The following PCDHA8 variants were observed in gnomAD, a reference collection of about 807,000 sequenced individuals.
The protein encoded by PCDHA8 is protocadherin alpha-8.
A neutral mutation model predicts 61.8 loss-of-function variants in PCDHA8; 53 were observed. The observed-to-expected ratio is 0.86, with a 90% CI of 0.69 to 1.08. The LOEUF is 1.08. Ranked by LOEUF, PCDHA8 falls within the 50% of genes least tolerant of loss-of-function variation. The probability of loss-of-function intolerance (pLI) is 0.00; values close to 1 mark genes in which losing one functional copy is unlikely to be tolerated. For missense variants in PCDHA8, 1,293 were observed against 1,245.0 expected, an observed-to-expected ratio of 1.04 and a Z score of -0.58; for synonymous variants, 618 against 556.6, an observed-to-expected ratio of 1.11 and a Z score of -1.55.
chr5:140,955,639 C>T (rs2095212239), intron 1 of PCDHA8, among the ~76,000 whole-genome samples: 1 of 152,088 alleles, frequency 6.6e-6, no homozygotes, highest in African/African-American at 2.4e-5. Flanking sequence ...AGTGTGAGAA[C>T]AAATTAATAC....
intron 1 of PCDHA8, among the ~76,000 whole-genome samples, chr5:140,972,752 C>A (rs1332478312): frequency 1.3e-5 from 2 of 151,214 alleles, no homozygotes; most frequent in Non-Finnish European, 2.9e-5. Context: ...CAACCTCCGC[C>A]TCCCAAGTTA....
At chr5:140,909,502 G>A (rs1583705871) in intron 1 of PCDHA8, among the ~76,000 whole-genome samples, 2 of 152,180 alleles carry the variant, frequency 1.3e-5, no homozygotes. Flanking sequence ...CGGGGATGTG[G>A]TGGGAATCAC....
chr5:140,985,504 A>G (rs1368014181), intron 3 of PCDHA8, among the ~76,000 whole-genome samples: 2 of 152,170 alleles, frequency 1.3e-5, no homozygotes, highest in Non-Finnish European at 2.9e-5. Context: ...CCTGCCTTTC[A>G]TTGATTCTGT....
chr5:140,929,549 T>G, intron 1 of PCDHA8: 1 of 500,966 alleles, frequency 2.0e-6, no homozygotes, highest in Non-Finnish European at 3.3e-6. Context: ...GGGCAAAAAT[T>G]AAAACCTATT....
intron 1 of PCDHA8, chr5:140,870,784 G>T (rs374163229): frequency 3.1e-6 from 5 of 1,613,574 alleles, no homozygotes; most frequent in Non-Finnish European, 4.2e-6. Context: ...GAACGACAAC[G>T]CGCCGGCACT....
At chr5:140,883,398 G>A (rs1421475221) in intron 1 of PCDHA8, 1 of 1,614,166 alleles carries the variant, frequency 6.2e-7, no homozygotes, top group Non-Finnish European at 8.5e-7. Flanking sequence ...GTGTCCGATC[G>A]TGACTCTGGC....
At chr5:140,951,988 A>C (rs2094668820) in intron 1 of PCDHA8, among the ~76,000 whole-genome samples, 1 of 152,226 alleles carries the variant, frequency 6.6e-6, no homozygotes, top group African/African-American at 2.4e-5. Context: ...GGGAAAAACC[A>C]GCCAAAAGAA....
intron 1 of PCDHA8, among the ~76,000 whole-genome samples, chr5:140,904,820 A>C (rs2071403823): frequency 6.6e-6 from 1 of 152,014 alleles, no homozygotes; most frequent in African/African-American, 2.4e-5. Flanking sequence ...GATGTTGAGC[A>C]TTTTTTTATA....
At chr5:140,964,013 A>G (rs155811) in intron 1 of PCDHA8, among the ~76,000 whole-genome samples, 53,810 of 151,994 alleles carry the variant, frequency 0.35, 9,678 homozygotes, top group East Asian at 0.53. Context: ...TTTTTAATAG[A>G]GAGCTCTTGA....
At chr5:140,897,504 C>T (rs1253239827) in intron 1 of PCDHA8, among the ~76,000 whole-genome samples, 1 of 152,092 alleles carries the variant, frequency 6.6e-6, no homozygotes, top group Non-Finnish European at 1.5e-5. Context: ...CATGTCCCTA[C>T]AAAGGACATG....
At chr5:140,936,449 C>A (rs1245206418) in intron 1 of PCDHA8, among the ~76,000 whole-genome samples, 1 of 152,174 alleles carries the variant, frequency 6.6e-6, no homozygotes, top group African/African-American at 2.4e-5. Context: ...ATAACCACAT[C>A]TGTTTAGTGG....
Position 140,884,200 on chromosome 5 carries a change from C to T in PCDHA8, c.2394+40485C>T, listed in dbSNP as rs2060048327. 2.5e-6 allele frequency: 4 copies of T among 1,613,458 alleles called. No individual in the cohort carries two copies. The Admixed American group carries it at 5.0e-5, about 20-fold the overall frequency. Reference sequence around the variant, plus strand: ...CTCTGGACGAGGTGGACGCGCCGCACCACCGCCTTCTGGTGCTGGTGAAGG... The same window carrying T: ...CTCTGGACGAGGTGGACGCGCCGCATCACCGCCTTCTGGTGCTGGTGAAGG... On this transcript the variant is annotated intron_variant, in intron 1 of 3. Transcript: ENST00000531613.
Position 140,956,653 on chromosome 5 carries a change from G to A in PCDHA8, c.2395-22296G>A, listed in dbSNP as rs146062919. ...TGCCAGGTTTTGGTATCAGGATGAT[G>A]CTGGCCTTAAAGGAGTTAGGGAGGA... On this transcript the variant is annotated intron_variant, in intron 1 of 3. Transcript: ENST00000531613. 5.2e-4 allele frequency among the ~76,000 whole-genome samples: 79 copies of A among 152,240 alleles called. 1 individual carries two copies. The highest frequency in any genetic ancestry group is 1.9e-3 in the African/African-American group (79 of 41,558).
chr5:140,990,649 T>A (rs1465284882), intron 3 of PCDHA8, among the ~76,000 whole-genome samples: 1 of 152,330 alleles, frequency 6.6e-6, no homozygotes, highest in South Asian at 2.1e-4. Context: ...TCAGCCAGTA[T>A]GAATGATTTA....
chr5:140,972,406 A>T (rs75214457), intron 1 of PCDHA8, among the ~76,000 whole-genome samples: 3,555 of 151,374 alleles, frequency 0.023, 73 homozygotes, highest in Middle Eastern at 0.055. Flanking sequence ...CTATTGGCAA[A>T]CCCTGTTAAG....
chr5:140,875,915 TG>T, intron 1 of PCDHA8: 1 of 1,614,214 alleles, frequency 6.2e-7, no homozygotes, highest in Non-Finnish European at 8.5e-7. Context: ...TCTGCGCCTC[TG>T]GACTCTCATT....
At chr5:140,997,697 T>C (rs2153948518) in intron 3 of PCDHA8, among the ~76,000 whole-genome samples, 1 of 151,394 alleles carries the variant, frequency 6.6e-6, no homozygotes. Flanking sequence ...TGTGTGTGTG[T>C]ATGTTAACAA....
intron 1 of PCDHA8, among the ~76,000 whole-genome samples, chr5:140,970,414 A>G (rs2096403953): frequency 6.6e-6 from 1 of 152,224 alleles, no homozygotes; most frequent in South Asian, 2.1e-4. Context: ...CCCTACAGTA[A>G]GGTGTAGAGG....
intron 1 of PCDHA8, among the ~76,000 whole-genome samples, chr5:140,897,463 T>C (rs573452029): frequency 6.6e-6 from 1 of 151,924 alleles, no homozygotes; most frequent in African/African-American, 2.4e-5. Flanking sequence ...CTTGCGATAG[T>C]TTACTGAGAA....
Sources: gnomAD v4.1 joint callset for allele counts (sites outside exome capture counted in the v4.1 genomes callset) on GRCh38, gnomAD v4.1.1 for gene constraint, MANE v1.5 for transcripts, NCBI Gene and HGNC (gene_info 2026-07-23, HGNC 2026-07-21) for gene names.